Variants in KIAA1586 observed in about 807,000 individuals in gnomAD.
KIAA1586 encodes the protein E3 SUMO-protein ligase KIAA1586.
In KIAA1586, 5 loss-of-function variants were observed where a neutral mutation model predicts 6.1. The ratio of observed to expected loss-of-function variants is 0.82; its 90% CI spans 0.43 to 1.73. The LOEUF (loss-of-function observed/expected upper bound fraction) is 1.73. KIAA1586 is among the 40% of genes most tolerant of loss of function. KIAA1586 has a pLI of 0.02. For missense variants in KIAA1586, 899 were observed against 878.2 expected (o/e 1.02, Z -0.30); for synonymous variants, 280 against 301.7 (o/e 0.93, Z 0.75).
chr6:57,063,642 C>T, the KIAA1586 span, among the ~76,000 whole-genome samples: 3 of 151,644 alleles, frequency 2.0e-5, no homozygotes, highest in Admixed American at 1.3e-4. Flanking sequence ...TTAGTTGAGA[C>T]GGGGTTTCAC....
At chr6:57,059,867 T>C (rs1828543574), downstream of KIAA1586, among the ~76,000 whole-genome samples, 1 of 152,152 alleles carries the variant, frequency 6.6e-6, no homozygotes, top group Admixed American at 6.5e-5. Context: ...ACTAGAAAGG[T>C]AGAAGATATT....
In KIAA1586 at chr6:57,054,652, G is replaced by T. The variant is rs970332004; in HGVS notation, c.2153G>T (p.Cys718Phe). 4 of 1,568,314 alleles carry T rather than the reference G, an allele frequency of 2.6e-6. No homozygotes were observed. In the South Asian group the frequency reaches 4.6e-5, roughly 18 times the overall value. The change falls in exon 4 of 4, where the codon TGT becomes TTT. Residue 718 changes from cysteine to phenylalanine, a missense_variant. Coordinates refer to ENST00000370733, the MANE Select transcript of KIAA1586 (RefSeq NM_020931.4). ...GGTTTCAATTTAATGAACATAATTTGTACAAGGGTGAGAAATAGTTTAACA... is the reference window on the plus strand; with the variant it reads ...GGTTTCAATTTAATGAACATAATTTTTACAAGGGTGAGAAATAGTTTAACA... The part of the protein sequence containing the change: ...ERGFNLMNII[C>F]TRVRNSLTID...
the KIAA1586 span, among the ~76,000 whole-genome samples, chr6:57,063,450 CTTT>C: frequency 2.0e-5 from 2 of 102,552 alleles, no homozygotes; most frequent in Non-Finnish European, 3.5e-5. Context: ...TATGTTATTT[CTTT>C]TTTTTTTTTT....
the KIAA1586 span, among the ~76,000 whole-genome samples, chr6:57,063,734 G>A: frequency 2.6e-5 from 4 of 152,156 alleles, no homozygotes; most frequent in Admixed American, 6.5e-5. Context: ...GATTACAGGC[G>A]TGAGCCACTG....
chr6:57,054,073 A>T lies in KIAA1586; in HGVS notation c.1574A>T (p.Asp525Val), dbSNP rs1052991939. Residue 525 changes from aspartate (D) to valine (V), a missense_variant, in exon 4 of 4, where the codon GAC (aspartate) becomes GTC (valine). Coordinates refer to ENST00000370733, the MANE Select transcript of KIAA1586 (RefSeq NM_020931.4). ...TTAGCTAACATTAATTTCTTACAAG[A>T]CCTTGCTTTAATGATTGACATTCTT... ...KRLANINFLQ[D>V]LALMIDILEE... The T allele has an allele frequency of 6.2e-7, 1 of 1,611,040 alleles. No individual in the cohort carries two copies. The highest frequency in any genetic ancestry group is 1.3e-5 in the African/African-American group (1 of 74,770).
At chr6:57,063,682 G>A in the KIAA1586 span, among the ~76,000 whole-genome samples, 15 of 151,858 alleles carry the variant, frequency 9.9e-5, no homozygotes, top group Admixed American at 3.3e-4. Context: ...TCAAACTTCC[G>A]ACCTCAAGCG....
chr6:57,055,626 G>A (rs1828486899), downstream of KIAA1586, among the ~76,000 whole-genome samples: 1 of 152,078 alleles, frequency 6.6e-6, no homozygotes, highest in South Asian at 2.1e-4. Flanking sequence ...TGATTCCTGT[G>A]TAAATTATAA....
chr6:57,052,064 T>G (rs1674786809), intron 3 of KIAA1586, among the ~76,000 whole-genome samples: 1 of 152,238 alleles, frequency 6.6e-6, no homozygotes, highest in African/African-American at 2.4e-5. Context: ...ATGTCTTTAT[T>G]GTTTCACTTT....
the KIAA1586 span, among the ~76,000 whole-genome samples, chr6:57,063,501 T>C: frequency 5.9e-5 from 8 of 134,844 alleles, no homozygotes; most frequent in Non-Finnish European, 1.2e-4. Flanking sequence ...TTCCCCAGGC[T>C]GGAGTGCAGT....
downstream of KIAA1586, among the ~76,000 whole-genome samples, chr6:57,059,319 G>A (rs1191572596): frequency 1.3e-5 from 2 of 152,064 alleles, no homozygotes; most frequent in Admixed American, 1.3e-4. Flanking sequence ...TGGGCCAGGC[G>A]CACTGGCTCA....
At position 57,053,350 on chromosome 6, in the gene KIAA1586, C is replaced by A; in HGVS notation, c.851C>A (p.Thr284Lys). ...AATGGAGAGGTAAATTGTTTAAATA[C>A]ACGTTACAGTGCAACAAGAATAGCA... is the stretch of plus-strand genomic sequence containing the variant. ...EKNGEVNCLN[T>K]RYSATRIAEH... The change falls in exon 4 of 4, where the codon ACA (threonine) becomes AAA (lysine). Residue 284 changes from threonine to lysine, a missense_variant. By Grantham distance (78) the Thr-to-Lys change is moderately conservative. Transcript: ENST00000370733. 1 of 1,612,148 alleles carries A rather than the reference C, an allele frequency of 6.2e-7. No individual in the cohort carries two copies. Among genetic ancestry groups the A allele is most frequent in the South Asian group, 1.1e-5 (1 of 90,878 alleles).
rs774358201 is a variant in KIAA1586 at position 57,054,159 on chromosome 6, C to G, written c.1660C>G (p.Gln554Glu). ...QSRSTNIKKA[Q>E]KLIKRTIRAL... ...AAGATCAACTAATATTAAGAAAGCA[C>G]AAAAATTGATCAAACGTACCATAAG... is the stretch of plus-strand genomic sequence containing the variant. Residue 554 changes from glutamine (Q) to glutamate (E), a missense_variant, in exon 4 of 4, where the codon CAA becomes GAA. Gln to Glu is a conservative substitution (Grantham distance 29, BLOSUM62 2). Transcript: ENST00000370733. 5.0e-6 allele frequency: 8 copies of G among 1,585,094 alleles called. No individual in the cohort carries two copies. The highest frequency in any genetic ancestry group is 1.9e-5 in the Admixed American group (1 of 52,912).
chr6:57,065,022 A>T, the KIAA1586 span, among the ~76,000 whole-genome samples: 1 of 151,960 alleles, frequency 6.6e-6, no homozygotes, highest in Non-Finnish European at 1.5e-5. Context: ...CTCTGTGCTC[A>T]CTCAGTTGTT....
Position 57,053,965 on chromosome 6 carries a change from T to C in KIAA1586, c.1466T>C (p.Leu489Ser). The change falls in exon 4 of 4, where the codon TTA (leucine) becomes TCA (serine). Residue 489 changes from leucine (L) to serine (S), a missense_variant. Coordinates refer to ENST00000370733, the MANE Select transcript of KIAA1586 (RefSeq NM_020931.4). ...GGACCAAGATGGGCGGCATGTAGTT[T>C]ACAAGCTGCTACTGCTGTATGGCAT... The part of the protein sequence containing the change: ...VMGPRWAACS[L>S]QAATAVWHAY... 6.3e-7 allele frequency: 1 copy of C among 1,587,268 alleles called. No individual in the cohort carries two copies. The highest frequency in any genetic ancestry group is 1.4e-5 in the African/African-American group (1 of 73,516).
chr6:57,051,348 TTTAATACATCATTTCCTAC>T (rs1394030003), intron 3 of KIAA1586, among the ~76,000 whole-genome samples: 3 of 151,776 alleles, frequency 2.0e-5, no homozygotes, highest in Admixed American at 6.5e-5. Flanking sequence ...AATGATCATA[TTTAATACATCATTTCCTAC>T]TTAATACATC....
the KIAA1586 span, among the ~76,000 whole-genome samples, chr6:57,062,519 T>C: frequency 2.6e-5 from 4 of 152,192 alleles, no homozygotes; most frequent in Admixed American, 2.6e-4. Flanking sequence ...GTGACTGCTC[T>C]TAAATATTGT....
chr6:57,056,889 G>A (rs764014404), downstream of KIAA1586, among the ~76,000 whole-genome samples: 8 of 151,290 alleles, frequency 5.3e-5, no homozygotes, highest in Non-Finnish European at 8.9e-5. Context: ...TGAAGAAATT[G>A]TTAGAAAATT....
chr6:57,051,231 CAA>C (rs773856302), intron 3 of KIAA1586, among the ~76,000 whole-genome samples: 7 of 86,488 alleles, frequency 8.1e-5, no homozygotes, highest in African/African-American at 1.3e-4. Context: ...GACTCCTTCT[CAA>C]AAAAAAAAAA....
rs1292181632 is a variant in KIAA1586, at chr6:57,054,573, A to G, written c.2074A>G (p.Lys692Glu). ...NNVSIPTTIY[K>E]AKKIVSTIAI... is the part of the protein sequence containing the mutation. The stretch of plus-strand genomic sequence containing the variant: ...TGTTTCAATTCCTACAACTATATAC[A>G]AAGCTAAAAAGATAGTTAGCACCAT... Residue 692 changes from lysine (K) to glutamate (E), a missense_variant, in exon 4 of 4, where the codon AAA becomes GAA. Physicochemically the swap from Lys to Glu is moderately conservative, Grantham distance 56. Transcript: ENST00000370733. The G allele has an allele frequency of 1.2e-6, 2 of 1,608,288 alleles. No homozygotes were observed. Among genetic ancestry groups the G allele is most frequent in the South Asian group, 1.1e-5 (1 of 90,512 alleles).
Sources: gnomAD v4.1 joint callset for allele counts (sites outside exome capture counted in the v4.1 genomes callset) on GRCh38, gnomAD v4.1.1 for gene constraint, MANE v1.5 for transcripts, NCBI Gene and HGNC (gene_info 2026-07-23, HGNC 2026-07-21) for gene names.